The following IL1RAPL1 variants were observed in gnomAD, a reference collection of about 807,000 sequenced individuals.
IL1RAPL1 encodes interleukin-1 receptor accessory protein-like 1.
In IL1RAPL1, 3 loss-of-function variants were observed where a neutral mutation model predicts 48.4. The observed-to-expected ratio is 0.06, with a 90% confidence interval of 0.03 to 0.16. IL1RAPL1 has a LOEUF of 0.16. Among genes scored for constraint, IL1RAPL1 ranks in the 10% least tolerant of loss-of-function variants. The probability of loss-of-function intolerance (pLI) is 1.00; values close to 1 mark genes in which losing one functional copy is unlikely to be tolerated. For synonymous variants in IL1RAPL1, 185 were observed against 187.7 expected (o/e 0.99, Z 0.12); for missense variants, 349 against 530.6 (o/e 0.66, Z 3.36).
At chrX:28,975,614 C>G (rs1569211722) in intron 2 of IL1RAPL1, among the ~76,000 whole-genome samples, 1 of 112,285 alleles carries the variant, frequency 8.9e-6, no homozygotes, top group Non-Finnish European at 1.9e-5. Flanking sequence ...TGTTCCTGAA[C>G]ACCTATGAAG....
At chrX:28,649,196 G>C (rs1934654348) in intron 1 of IL1RAPL1, among the ~76,000 whole-genome samples, 1 of 111,970 alleles carries the variant, frequency 8.9e-6, no homozygotes, top group African/African-American at 3.2e-5. Flanking sequence ...TATAAACTCT[G>C]CGAGAGAGAA....
intron 1 of IL1RAPL1, among the ~76,000 whole-genome samples, chrX:28,766,555 C>T (rs1936241664): frequency 9.0e-6 from 1 of 111,168 alleles, no homozygotes; most frequent in African/African-American, 3.3e-5. Flanking sequence ...CAATTACACT[C>T]TTTTAGTTGT....
At chrX:28,895,229 T>G (rs1357104291) in intron 2 of IL1RAPL1, among the ~76,000 whole-genome samples, 1 of 110,774 alleles carries the variant, frequency 9.0e-6, no homozygotes, top group Non-Finnish European at 1.9e-5. Flanking sequence ...AACTAACCTG[T>G]AAGGCTTGTC....
Position 28,672,925 on chromosome X carries a change from T to C in IL1RAPL1, c.-25+84878T>C, listed in dbSNP as rs756033555. 1.1e-4 allele frequency among the ~76,000 whole-genome samples: 12 copies of C among 111,405 alleles called. No homozygotes were observed. In the East Asian group the frequency reaches 3.4e-3, roughly 31 times the overall value. Reference sequence around the variant, plus strand: ...AGGTATTAAGCCTAGAACCCAGTAATTATTTTTCCTGATCCTCTCCCTCCT... The same window carrying C: ...AGGTATTAAGCCTAGAACCCAGTAACTATTTTTCCTGATCCTCTCCCTCCT... On this transcript the variant is annotated intron_variant, in intron 1 of 10. Coordinates refer to ENST00000378993, the MANE Select transcript of IL1RAPL1 (RefSeq NM_014271.4).
At chrX:29,821,694 C>CTG (rs199971887) in intron 6 of IL1RAPL1, among the ~76,000 whole-genome samples, 6,591 of 111,701 alleles carry the variant, frequency 0.059, 461 homozygotes, top group African/African-American at 0.2. Context: ...ATTAATTTAA[C>CTG]TTTAATGTAT....
intron 5 of IL1RAPL1, among the ~76,000 whole-genome samples, chrX:29,570,633 G>T (rs1922561793): frequency 8.9e-6 from 1 of 112,118 alleles, no homozygotes; most frequent in Non-Finnish European, 1.9e-5. Flanking sequence ...TTTACTAAAT[G>T]CTGGGCTGAT....
intron 1 of IL1RAPL1, among the ~76,000 whole-genome samples, chrX:28,703,599 A>T (rs1200992693): frequency 1.8e-5 from 2 of 111,239 alleles, no homozygotes; most frequent in East Asian, 5.7e-4. Flanking sequence ...TCAGAGTGAT[A>T]ATCACCCCAA....
chrX:29,404,982 C>T (rs369636387), intron 5 of IL1RAPL1, among the ~76,000 whole-genome samples: 2 of 110,962 alleles, frequency 1.8e-5, no homozygotes, highest in Non-Finnish European at 3.8e-5. Flanking sequence ...GGCATGATCT[C>T]GGCTCACTGC....
intron 6 of IL1RAPL1, among the ~76,000 whole-genome samples, chrX:29,822,390 C>G (rs1930641676): frequency 9.1e-6 from 1 of 110,104 alleles, no homozygotes; most frequent in South Asian, 3.8e-4. Flanking sequence ...TAATATGTAT[C>G]TGTAATTTTT....
intron 1 of IL1RAPL1, among the ~76,000 whole-genome samples, chrX:28,658,884 A>C (rs974708806): frequency 1.8e-5 from 2 of 111,634 alleles, no homozygotes; most frequent in Non-Finnish European, 3.8e-5. Context: ...TCACACACAA[A>C]TGAAAATGGA....
chrX:29,740,122 G>GAAAAAAAAAAAAAAAAAAAAAAA (rs1172511347), intron 6 of IL1RAPL1, among the ~76,000 whole-genome samples: 1 of 52,333 alleles, frequency 1.9e-5, no homozygotes. Flanking sequence ...CAAAAAAACA[G>GAAAAAAAAAAAAAAAAAAAAAAA]AAAAAAAAAA....
At chrX:29,927,327 G>T (rs935377460) in intron 8 of IL1RAPL1, among the ~76,000 whole-genome samples, 2 of 112,180 alleles carry the variant, frequency 1.8e-5, no homozygotes, top group Non-Finnish European at 3.8e-5. Flanking sequence ...CTGTCTCCAT[G>T]AGAAAGGAAC....
intron 5 of IL1RAPL1, among the ~76,000 whole-genome samples, chrX:29,499,160 A>G (rs1935245918): frequency 8.9e-6 from 1 of 112,528 alleles, no homozygotes. Flanking sequence ...ATGCATATCT[A>G]TACAAATAGA....
At chrX:29,887,154 A>G (rs1932183596) in intron 6 of IL1RAPL1, among the ~76,000 whole-genome samples, 1 of 112,338 alleles carries the variant, frequency 8.9e-6, no homozygotes, top group Admixed American at 9.4e-5. Context: ...TTAAGAAAAC[A>G]GCCTAATAAA....
At chrX:29,078,282 C>CAAACA (rs746224344) in intron 2 of IL1RAPL1, among the ~76,000 whole-genome samples, 3 of 109,874 alleles carry the variant, frequency 2.7e-5, no homozygotes, top group African/African-American at 6.7e-5. Flanking sequence ...AATTCCATCT[C>CAAACA]AAACAAAACA....
chrX:29,461,469 A>G (rs1934802034), intron 5 of IL1RAPL1, among the ~76,000 whole-genome samples: 1 of 111,762 alleles, frequency 8.9e-6, no homozygotes, highest in South Asian at 3.7e-4. Context: ...TACTGTGTAT[A>G]TATGTGGAAA....
chrX:29,148,428 C>G (rs755418016), intron 2 of IL1RAPL1, among the ~76,000 whole-genome samples: 1 of 111,811 alleles, frequency 8.9e-6, no homozygotes, highest in South Asian at 3.7e-4. Context: ...CCCTCTTTCT[C>G]CTCGGCAAAA....
chrX:29,765,494 A>AT (rs780355594), intron 6 of IL1RAPL1, among the ~76,000 whole-genome samples: 10 of 112,024 alleles, frequency 8.9e-5, no homozygotes, highest in Non-Finnish European at 3.8e-5. Flanking sequence ...ATAATCATAC[A>AT]TTTTTAATTA....
intron 6 of IL1RAPL1, among the ~76,000 whole-genome samples, chrX:29,879,393 GTGTA>G (rs562741940): frequency 0.032 from 3,105 of 96,600 alleles, 161 homozygotes; most frequent in African/African-American, 0.13. Flanking sequence ...GTGTGTGTGT[GTGTA>G]TATATATATA....
Sources: gnomAD v4.1 joint callset for allele counts (sites outside exome capture counted in the v4.1 genomes callset) on GRCh38, gnomAD v4.1.1 for gene constraint, MANE v1.5 for transcripts, NCBI Gene and HGNC (gene_info 2026-07-23, HGNC 2026-07-21) for gene names.